SVOP: variants seen among roughly 807,000 people sequenced by gnomAD.
SVOP encodes the protein synaptic vesicle 2-related protein.
SVOP carries 17 observed loss-of-function variants against 69.1 expected under a neutral mutation model. The ratio of observed to expected loss-of-function variants is 0.25; its 90% CI spans 0.17 to 0.37. SVOP has a LOEUF of 0.37. Among genes scored for constraint, SVOP ranks in the 10% least tolerant of loss-of-function variants. The probability of loss-of-function intolerance (pLI) is 1.00; values close to 1 mark genes in which losing one functional copy is unlikely to be tolerated. For missense variants in SVOP, 435 were observed against 597.5 expected (o/e 0.73, Z 2.84); for synonymous variants, 238 against 238.6 (o/e 1.00, Z 0.02).
chr12:108,990,128 C>T (rs1319374770), intron 1 of SVOP, among the ~76,000 whole-genome samples: 4 of 152,248 alleles, frequency 2.6e-5, no homozygotes, highest in African/African-American at 7.2e-5. Context: ...GTGCCTCTCC[C>T]AAGCATTCAC....
chr12:108,914,663 G>T (rs2039702934), intron 15 of SVOP, among the ~76,000 whole-genome samples: 2 of 151,834 alleles, frequency 1.3e-5, no homozygotes, highest in Non-Finnish European at 2.9e-5. Context: ...CTGCCTCCTG[G>T]GTTCAAGCAA....
At chr12:108,936,053 CAT>C (rs1465400579) in intron 10 of SVOP, among the ~76,000 whole-genome samples, 20 of 151,634 alleles carry the variant, frequency 1.3e-4, no homozygotes, top group South Asian at 6.3e-4. Flanking sequence ...CACACACACA[CAT>C]GTATTTTTGA....
chr12:109,011,748 C>A (rs896158298), intron 1 of SVOP, among the ~76,000 whole-genome samples: 7 of 152,190 alleles, frequency 4.6e-5, no homozygotes, highest in Non-Finnish European at 8.8e-5. Context: ...GTGGTATAAA[C>A]ACAATGGAAT....
chr12:108,993,768 C>T (rs936747562), intron 1 of SVOP, among the ~76,000 whole-genome samples: 1 of 152,070 alleles, frequency 6.6e-6, no homozygotes, highest in African/African-American at 2.4e-5. Context: ...AGTGGGACCC[C>T]CAGTCCCAAA....
intron 6 of SVOP, among the ~76,000 whole-genome samples, chr12:108,955,375 C>T (rs2039979680): frequency 6.6e-6 from 1 of 152,172 alleles, no homozygotes; most frequent in Admixed American, 6.5e-5. Context: ...GGAGCTGGGC[C>T]AGAAGTGGAG....
At chr12:109,009,305 T>C (rs756971034) in intron 1 of SVOP, among the ~76,000 whole-genome samples, 8 of 152,046 alleles carry the variant, frequency 5.3e-5, no homozygotes, top group Non-Finnish European at 1.2e-4. Context: ...TTAACAACCA[T>C]ACAGAGGGGA....
chr12:108,985,162 G>A (rs1418010896), intron 1 of SVOP, among the ~76,000 whole-genome samples: 6 of 151,844 alleles, frequency 4.0e-5, no homozygotes, highest in African/African-American at 1.5e-4. Flanking sequence ...ATAAGGGTGA[G>A]GCTGCAGTGA....
At chr12:108,981,256 A>G (rs1275336071) in intron 2 of SVOP, among the ~76,000 whole-genome samples, 4 of 152,364 alleles carry the variant, frequency 2.6e-5, no homozygotes, top group Admixed American at 6.5e-5. Context: ...GTTAAGGCCT[A>G]GTAGTAGCCC....
intron 15 of SVOP, 56 bp from the exon 16 acceptor site, chr12:108,912,797 C>T (rs2039692554): frequency 1.3e-6 from 2 of 1,536,350 alleles, no homozygotes; most frequent in Admixed American, 1.9e-5. Flanking sequence ...ACAGACATCG[C>T]CAACCATCAA....
At chr12:108,925,977 G>A (rs1367804738) in intron 11 of SVOP, among the ~76,000 whole-genome samples, 1 of 150,612 alleles carries the variant, frequency 6.6e-6, no homozygotes, top group African/African-American at 2.5e-5. Flanking sequence ...GGAGTGCAGT[G>A]GCACAATCAC....
chr12:108,993,155 G>C (rs112952382), intron 1 of SVOP, among the ~76,000 whole-genome samples: 1 of 151,940 alleles, frequency 6.6e-6, no homozygotes, highest in African/African-American at 2.4e-5. Context: ...TTACAGGCAC[G>C]CACCACCACG....
chr12:108,989,087 T>C (rs1227906093), intron 1 of SVOP, among the ~76,000 whole-genome samples: 2 of 152,140 alleles, frequency 1.3e-5, no homozygotes, highest in African/African-American at 4.8e-5. Flanking sequence ...TTTTTTCTTT[T>C]GAGACGGAGT....
chr12:108,992,382 A>C (rs1049559284), intron 1 of SVOP, among the ~76,000 whole-genome samples: 5 of 152,054 alleles, frequency 3.3e-5, no homozygotes, highest in African/African-American at 9.7e-5. Flanking sequence ...CTCTACAAAG[A>C]ATTTTAAAAT....
intron 13 of SVOP, among the ~76,000 whole-genome samples, chr12:108,918,779 A>G (rs879918966): frequency 2.0e-5 from 3 of 152,132 alleles, no homozygotes; most frequent in African/African-American, 7.2e-5. Flanking sequence ...GTTTTAACAT[A>G]TATATAAATA....
chr12:108,973,934 C>T (rs574307406), intron 4 of SVOP, among the ~76,000 whole-genome samples: 3 of 152,302 alleles, frequency 2.0e-5, no homozygotes, highest in South Asian at 2.1e-4. Context: ...CATCTGGTTT[C>T]CAATACCTTT....
Position 108,961,024 on chromosome 12 carries a change from C to T in SVOP, c.477G>A (p.Trp159Ter). 6.5e-7 allele frequency: 1 copy of T among 1,536,532 alleles called. No homozygotes were observed. Among genetic ancestry groups the T allele is most frequent in the Non-Finnish European group, 8.7e-7 (1 of 1,146,426 alleles). The change falls in exon 6 of 16, where the codon TGG becomes TGA. Residue 159 changes from tryptophan to a stop codon, truncating the protein, a stop_gained. Transcript: ENST00000610966. LOFTEE classifies it high-confidence loss of function. Reference sequence around the variant, plus strand: ...CACTAAGGATGCCATAGTACAGAGTCCACAGCACGCTGATCTTCAGCCCCT... The same window carrying T: ...CACTAAGGATGCCATAGTACAGAGTTCACAGCACGCTGATCTTCAGCCCCT... Reference protein sequence around the residue: ...RKTGLKISVLWTLYYGILSAF... With the variant: ...RKTGLKISVL
intron 12 of SVOP, 98 bp from the exon 13 acceptor site, chr12:108,919,884 T>G: frequency 1.3e-6 from 1 of 763,994 alleles, no homozygotes; most frequent in East Asian, 2.7e-5. Flanking sequence ...CCCTGGAGGG[T>G]GGACTAGACT....
At chr12:108,948,052 C>A (rs1216249061) in intron 6 of SVOP, among the ~76,000 whole-genome samples, 1 of 152,042 alleles carries the variant, frequency 6.6e-6, no homozygotes, top group African/African-American at 2.4e-5. Context: ...AGGAGTTATG[C>A]CCATCTCCCC....
At chr12:108,981,640 C>A (rs2040135750) in intron 2 of SVOP, among the ~76,000 whole-genome samples, 1 of 152,164 alleles carries the variant, frequency 6.6e-6, no homozygotes, top group Non-Finnish European at 1.5e-5. Context: ...AGATACTTAA[C>A]CCTTCTGTGC....
Sources: gnomAD v4.1 joint callset for allele counts (sites outside exome capture counted in the v4.1 genomes callset) on GRCh38, gnomAD v4.1.1 for gene constraint, MANE v1.5 for transcripts, NCBI Gene and HGNC (gene_info 2026-07-23, HGNC 2026-07-21) for gene names.